CNTLN: variants seen among roughly 807,000 people sequenced by gnomAD.
CNTLN encodes the protein centlein, centrosomal protein.
Under a neutral mutation model 180.0 loss-of-function variants are expected in CNTLN, and 212 were observed. That is an observed-to-expected ratio of 1.18 (90% CI 1.05 to 1.32). The LOEUF (loss-of-function observed/expected upper bound fraction) is 1.32. Ranked by LOEUF, CNTLN falls within the 40% of genes most tolerant of loss-of-function variation. The probability of loss-of-function intolerance (pLI) is 0.00; values close to 1 mark genes in which losing one functional copy is unlikely to be tolerated. For synonymous variants in CNTLN, 722 were observed against 563.1 expected (o/e 1.28, Z -3.99); for missense variants, 2,095 against 1,610.9 (o/e 1.30, Z -5.14).
intron 2 of CNTLN, among the ~76,000 whole-genome samples, chr9:17,188,477 C>A (rs1193371153): frequency 6.6e-6 from 1 of 152,022 alleles, no homozygotes; most frequent in Non-Finnish European, 1.5e-5. Flanking sequence ...ACTTATTTTA[C>A]CGATAAGAAT....
At chr9:17,298,539 G>A in intron 7 of CNTLN, 187 bp downstream of exon 7, 9 of 1,280,760 alleles carry the variant, frequency 7.0e-6, no homozygotes, top group Non-Finnish European at 9.0e-6. Context: ...TTTCTTTATG[G>A]TAATTAGAGC....
chr9:17,252,646 CTGAG>C (rs1826218429), intron 5 of CNTLN, among the ~76,000 whole-genome samples: 1 of 151,708 alleles, frequency 6.6e-6, no homozygotes, highest in Admixed American at 6.6e-5. Context: ...CCCCTGTTGA[CTGAG>C]TAATCTGCAA....
At chr9:17,269,756 T>C (rs1328253333) in intron 5 of CNTLN, among the ~76,000 whole-genome samples, 1 of 152,180 alleles carries the variant, frequency 6.6e-6, no homozygotes, top group Non-Finnish European at 1.5e-5. Context: ...TATTCTGTAT[T>C]ATTCTTTTAG....
chr9:17,275,394 T>C (rs185474728), intron 6 of CNTLN, among the ~76,000 whole-genome samples: 1 of 152,146 alleles, frequency 6.6e-6, no homozygotes, highest in South Asian at 2.1e-4. Flanking sequence ...CTCAGACATT[T>C]ATCAATGACA....
At chr9:17,161,100 C>T (rs1819647159) in intron 2 of CNTLN, among the ~76,000 whole-genome samples, 1 of 152,042 alleles carries the variant, frequency 6.6e-6, no homozygotes, top group South Asian at 2.1e-4. Flanking sequence ...AAAAAGTTCT[C>T]ACTCTCACTA....
At chr9:17,207,187 G>C (rs1454666764) in intron 2 of CNTLN, among the ~76,000 whole-genome samples, 1 of 152,140 alleles carries the variant, frequency 6.6e-6, no homozygotes, top group African/African-American at 2.4e-5. Context: ...ATTGCAATTT[G>C]CTTATTATAT....
At chr9:17,490,790 AAG>A (rs1833120819) in intron 25 of CNTLN, among the ~76,000 whole-genome samples, 1 of 152,152 alleles carries the variant, frequency 6.6e-6, no homozygotes, top group African/African-American at 2.4e-5. Flanking sequence ...AAAGAAAAAA[AAG>A]AATACATTTA....
At chr9:17,165,015 T>G (rs1392442512) in intron 2 of CNTLN, among the ~76,000 whole-genome samples, 1 of 151,460 alleles carries the variant, frequency 6.6e-6, no homozygotes, top group East Asian at 2.0e-4. Flanking sequence ...TTTTTTTGTA[T>G]TTTTAGTAGA....
chr9:17,510,823 G>A, the CNTLN span, among the ~76,000 whole-genome samples: 2 of 152,162 alleles, frequency 1.3e-5, no homozygotes, highest in African/African-American at 2.4e-5. Context: ...TGCATATAAA[G>A]CTATCATGAA....
At chr9:17,383,343 A>G (rs1405512726) in intron 13 of CNTLN, among the ~76,000 whole-genome samples, 1 of 151,478 alleles carries the variant, frequency 6.6e-6, no homozygotes, top group Non-Finnish European at 1.5e-5. Flanking sequence ...AGCCTGGGCA[A>G]CCCTGTCTCT....
chr9:17,186,926 T>A (rs1821467844), intron 2 of CNTLN, among the ~76,000 whole-genome samples: 1 of 152,086 alleles, frequency 6.6e-6, no homozygotes. Context: ...GGATTAGGAT[T>A]CCTATATGAG....
chr9:17,341,742 T>G (rs1821496551), intron 11 of CNTLN, among the ~76,000 whole-genome samples: 1 of 152,218 alleles, frequency 6.6e-6, no homozygotes, highest in Non-Finnish European at 1.5e-5. Flanking sequence ...GTAAAGGGCA[T>G]TTGGCATCAC....
intron 2 of CNTLN, among the ~76,000 whole-genome samples, chr9:17,144,696 G>A (rs371924331): frequency 3.9e-4 from 59 of 151,636 alleles, no homozygotes; most frequent in East Asian, 3.7e-3. Context: ...TATATTAGAC[G>A]TAGGTGTTCA....
chr9:17,372,730 C>T (rs768959862), intron 13 of CNTLN, among the ~76,000 whole-genome samples: 2 of 152,080 alleles, frequency 1.3e-5, no homozygotes, highest in Non-Finnish European at 2.9e-5. Context: ...AAAACCTCTG[C>T]AAGATACTAG....
the CNTLN span, among the ~76,000 whole-genome samples, chr9:17,514,694 G>A: frequency 6.6e-6 from 1 of 152,142 alleles, no homozygotes. Flanking sequence ...TTGAAGGGAA[G>A]CCCGGCCTAG....
At position 17,288,577 on chromosome 9, in the gene CNTLN, C is replaced by G. The variant is rs199773083; in HGVS notation, c.984-9613C>G. ...CTGGGTATCTTTGTTGACTTTCTGT[C>G]TCGTTGATCTGTCTAATGTTGACAG... On this transcript the variant is annotated intron_variant, in intron 6 of 25. Transcript: ENST00000380647. 0.023 allele frequency among the ~76,000 whole-genome samples: 2,905 copies of G among 127,722 alleles called. 538 individuals are homozygous for G. The East Asian group carries it at 0.29, about 13-fold the overall frequency. The allele number at this position is 127,722 out of a possible 152,430, so 83.8% of individuals were successfully genotyped here.
At chr9:17,235,891 A>G in intron 4 of CNTLN, 99 bp downstream of exon 4, 12 of 1,333,246 alleles carry the variant, frequency 9.0e-6, no homozygotes, top group Non-Finnish European at 1.0e-5. Context: ...GATTTGGAGG[A>G]AAAATTGCCT....
At chr9:17,495,570 G>C (rs970979726) in intron 25 of CNTLN, among the ~76,000 whole-genome samples, 2 of 152,100 alleles carry the variant, frequency 1.3e-5, no homozygotes, top group Admixed American at 6.6e-5. Context: ...TCTTACATGA[G>C]TCAAAAATTA....
At chr9:17,262,883 G>T (rs534797055) in intron 5 of CNTLN, among the ~76,000 whole-genome samples, 2 of 151,144 alleles carry the variant, frequency 1.3e-5, no homozygotes, top group Non-Finnish European at 2.9e-5. Context: ...GGTGTGTTCC[G>T]TCAATACCTA....
Sources: allele counts gnomAD v4.1 joint callset (sites outside exome capture counted in the v4.1 genomes callset), GRCh38; gene constraint gnomAD v4.1.1; transcripts MANE v1.5; gene names NCBI Gene and HGNC (gene_info 2026-07-23, HGNC 2026-07-21).